Variants in FILIP1 observed in about 807,000 individuals in gnomAD.
FILIP1 encodes filamin-A-interacting protein 1.
Under a neutral mutation model 102.1 loss-of-function variants are expected in FILIP1, and 61 were observed. The observed-to-expected ratio is 0.60, with a 90% CI of 0.49 to 0.74. The LOEUF is 0.74. Among genes scored for constraint, FILIP1 ranks in the 30% least tolerant of loss-of-function variants. The pLI, the probability that FILIP1 is intolerant of heterozygous loss-of-function variation, is 0.00. For synonymous variants in FILIP1, 491 were observed against 526.9 expected (o/e 0.93, Z 0.93); for missense variants, 1,314 against 1,441.2 (o/e 0.91, Z 1.43).
intron 4 of FILIP1, among the ~76,000 whole-genome samples, chr6:75,335,642 T>A (rs1774218408): frequency 6.6e-6 from 1 of 152,186 alleles, no homozygotes; most frequent in Non-Finnish European, 1.5e-5. Flanking sequence ...TAGAAATGTA[T>A]GTCATTTATG....
At chr6:75,358,434 A>G (rs1301933952) in intron 3 of FILIP1, 2 of 152,274 alleles carry the variant, frequency 1.3e-5, no homozygotes, top group Non-Finnish European at 2.9e-5. Context: ...GAGAGCCCAG[A>G]GGACAGAGCA....
intron 1 of FILIP1, among the ~76,000 whole-genome samples, chr6:75,486,712 T>C (rs1779799642): frequency 6.6e-6 from 1 of 152,082 alleles, no homozygotes; most frequent in South Asian, 2.1e-4. Context: ...AAAATAGTGA[T>C]AAAAATAGTA....
intron 1 of FILIP1, among the ~76,000 whole-genome samples, chr6:75,416,019 T>A (rs952839044): frequency 6.6e-6 from 1 of 152,112 alleles, no homozygotes; most frequent in African/African-American, 2.4e-5. Context: ...ATATAGTAGA[T>A]TAGCTCATGG....
chr6:75,372,743 A>AAGG (rs1775606430), intron 2 of FILIP1, among the ~76,000 whole-genome samples: 1 of 56,538 alleles, frequency 1.8e-5, no homozygotes, highest in African/African-American at 8.4e-5. Context: ...AGAAAGAAAG[A>AAGG]AAGAAAGAAA....
chr6:75,379,418 A>G (rs1248081114), intron 2 of FILIP1, among the ~76,000 whole-genome samples: 1 of 152,268 alleles, frequency 6.6e-6, no homozygotes, highest in African/African-American at 2.4e-5. Context: ...TGGAGACAGA[A>G]AAAGACAGAG....
intron 4 of FILIP1, among the ~76,000 whole-genome samples, chr6:75,342,248 T>C (rs996803155): frequency 1.4e-4 from 22 of 152,222 alleles, no homozygotes; most frequent in African/African-American, 4.8e-4. Flanking sequence ...TTGACTGCAG[T>C]TGAAGAGGTA....
intron 1 of FILIP1, among the ~76,000 whole-genome samples, chr6:75,440,369 G>A (rs910119564): frequency 8.5e-5 from 13 of 152,158 alleles, no homozygotes; most frequent in African/African-American, 2.7e-4. Flanking sequence ...AAATCAATTA[G>A]GTTTACTGCC....
intron 2 of FILIP1, among the ~76,000 whole-genome samples, chr6:75,396,406 C>T (rs900752145): frequency 2.0e-5 from 3 of 151,978 alleles, no homozygotes; most frequent in Non-Finnish European, 4.4e-5. Context: ...GGTGAGGATG[C>T]CTGAAGTAAA....
intron 5 of FILIP1, among the ~76,000 whole-genome samples, chr6:75,311,084 A>G (rs1391971889): frequency 2.6e-5 from 4 of 152,340 alleles, no homozygotes; most frequent in African/African-American, 4.8e-5. Flanking sequence ...GTTAACATCT[A>G]AACAGTACAA....
At chr6:75,435,523 T>C (rs2703665) in intron 1 of FILIP1, among the ~76,000 whole-genome samples, 106,394 of 152,170 alleles carry the variant, frequency 0.7, 38,027 homozygotes, top group African/African-American at 0.86. Context: ...AAATCAGGTT[T>C]CCTGGAATAC....
At chr6:75,387,275 G>A (rs924353423) in intron 2 of FILIP1, among the ~76,000 whole-genome samples, 3 of 152,054 alleles carry the variant, frequency 2.0e-5, no homozygotes, top group Admixed American at 2.0e-4. Context: ...ACTTTGATGG[G>A]CATTTGGGTT....
At chr6:75,304,290 T>C (rs1772920831), downstream of FILIP1, among the ~76,000 whole-genome samples, 1 of 152,164 alleles carries the variant, frequency 6.6e-6, no homozygotes, top group African/African-American at 2.4e-5. Flanking sequence ...TCTCTCACTG[T>C]GACCTCTGCC....
chr6:75,303,773 A>G (rs550117881), downstream of FILIP1, among the ~76,000 whole-genome samples: 16 of 149,350 alleles, frequency 1.1e-4, no homozygotes, highest in East Asian at 1.9e-4. Flanking sequence ...GAGAGAGAGA[A>G]AGAGAGAGAG....
chr6:75,448,824 T>TA (rs2149731804), intron 1 of FILIP1, among the ~76,000 whole-genome samples: 1 of 152,134 alleles, frequency 6.6e-6, no homozygotes, highest in South Asian at 2.1e-4. Context: ...ATGACCATAA[T>TA]AAAAAAATAA....
At chr6:75,416,119 G>T (rs1777261048) in intron 1 of FILIP1, among the ~76,000 whole-genome samples, 2 of 152,034 alleles carry the variant, frequency 1.3e-5, no homozygotes, top group African/African-American at 2.4e-5. Context: ...AAAATATAGG[G>T]ACTTTGTTAT....
intron 4 of FILIP1, among the ~76,000 whole-genome samples, chr6:75,322,095 G>GT (rs1246040851): frequency 2.6e-5 from 4 of 152,082 alleles, no homozygotes; most frequent in Non-Finnish European, 5.9e-5. Flanking sequence ...ACTTGCAGAT[G>GT]TTTTTTTCTC....
intron 2 of FILIP1, among the ~76,000 whole-genome samples, chr6:75,375,796 C>G (rs931925061): frequency 4.6e-5 from 7 of 152,156 alleles, no homozygotes; most frequent in Admixed American, 3.9e-4. Context: ...GTTTTCTGAT[C>G]TATTCATTTT....
chr6:75,370,499 A>G (rs1437506194), intron 2 of FILIP1, among the ~76,000 whole-genome samples: 3 of 152,102 alleles, frequency 2.0e-5, no homozygotes, highest in Non-Finnish European at 4.4e-5. Context: ...CAAAAGATCT[A>G]AACAATTACA....
intron 1 of FILIP1, among the ~76,000 whole-genome samples, chr6:75,480,647 C>T (rs2152531): frequency 1 from 152,163 of 152,332 alleles, 75,997 homozygotes; most frequent in Non-Finnish European, 1. Context: ...TAAGTAGTTT[C>T]TCAAAGTGCA....
Sources: allele counts gnomAD v4.1 joint callset (sites outside exome capture counted in the v4.1 genomes callset), GRCh38; gene constraint gnomAD v4.1.1; transcripts MANE v1.5; gene names NCBI Gene and HGNC (gene_info 2026-07-23, HGNC 2026-07-21).